SFMBT2: variants seen among roughly 807,000 people sequenced by gnomAD.
SFMBT2 encodes the protein scm-like with four MBT domains protein 2.
A neutral mutation model predicts 110.1 loss-of-function variants in SFMBT2; 38 were observed. The ratio of observed to expected loss-of-function variants is 0.35; its 90% CI spans 0.27 to 0.45. The LOEUF (loss-of-function observed/expected upper bound fraction) is 0.45, where lower values mean the gene tolerates loss of function less well. Among genes scored for constraint, SFMBT2 ranks in the 20% least tolerant of loss-of-function variants. The pLI is 1.00. For synonymous variants in SFMBT2, 425 were observed against 425.4 expected, an observed-to-expected ratio of 1.00 and a Z score of 0.01; for missense variants, 1,011 against 1,094.9, an observed-to-expected ratio of 0.92 and a Z score of 1.08.
At chr10:7,312,983 C>G (rs891144686) in intron 4 of SFMBT2, among the ~76,000 whole-genome samples, 4 of 152,072 alleles carry the variant, frequency 2.6e-5, no homozygotes, top group African/African-American at 9.7e-5. Context: ...CTCCATCCAC[C>G]TCGGGAGAAA....
chr10:7,200,541 C>T (rs905531529), intron 13 of SFMBT2, 57 bp from the exon 14 acceptor site: 3 of 1,414,394 alleles, frequency 2.1e-6, no homozygotes, highest in African/African-American at 1.4e-5. Flanking sequence ...GGAACTACTA[C>T]ATTCCAAAGT....
chr10:7,328,054 A>G (rs12263191), intron 4 of SFMBT2, among the ~76,000 whole-genome samples: 32,762 of 152,070 alleles, frequency 0.22, 3,911 homozygotes, highest in East Asian at 0.31. Context: ...TGTTTTCCCA[A>G]TTGGCTTTCC....
chr10:7,164,512 T>C (rs1837642044), intron 20 of SFMBT2: 1 of 912,196 alleles, frequency 1.1e-6, no homozygotes, highest in African/African-American at 1.8e-5. Context: ...CTGCGGGAAT[T>C]GCTTCCCAAG....
intron 9 of SFMBT2, among the ~76,000 whole-genome samples, chr10:7,230,750 T>C (rs778030649): frequency 6.6e-6 from 1 of 152,116 alleles, no homozygotes; most frequent in South Asian, 2.1e-4. Flanking sequence ...CTGACCAACA[T>C]CGTAAAACCT....
chr10:7,370,227 T>G (rs1202991101), intron 3 of SFMBT2, 54 bp downstream of exon 3: 1 of 1,500,324 alleles, frequency 6.7e-7, no homozygotes. Flanking sequence ...TCCCTATAGA[T>G]TCCTTCCCTT....
rs1564461480 is a variant in SFMBT2, at chr10:7,367,905, A to G, written c.196-16T>C. 1.2e-6 allele frequency: 2 copies of G among 1,613,328 alleles called. No individual in the cohort carries two copies. Among genetic ancestry groups the G allele is most frequent in the Non-Finnish European group, 8.5e-7 (1 of 1,179,490 alleles). Reference sequence around the variant, plus strand: ...TGATTTCAACCTTAAGGAATCAGAAATAGAGAAAACCCATTACTACACTAG... The same window carrying G: ...TGATTTCAACCTTAAGGAATCAGAAGTAGAGAAAACCCATTACTACACTAG... On this transcript the variant is annotated splice_polypyrimidine_tract_variant and intron_variant, in intron 3 of 20. Coordinates refer to ENST00000397167, the MANE Select transcript of SFMBT2 (RefSeq NM_001387889.1). This position sits in a 1 kb window ranked among gnomAD's most constrained non-coding sequence, Gnocchi z 6.2.
chr10:7,296,874 A>AAGAGGGAATCCTCCAGC (rs1842420543), intron 4 of SFMBT2, among the ~76,000 whole-genome samples: 1 of 152,230 alleles, frequency 6.6e-6, no homozygotes, highest in Non-Finnish European at 1.5e-5. Context: ...TCCCCTGAGC[A>AAGAGGGAATCCTCCAGC]AGAGGGAATC....
intron 4 of SFMBT2, among the ~76,000 whole-genome samples, chr10:7,336,884 C>A (rs952715731): frequency 2.0e-5 from 3 of 152,094 alleles, no homozygotes; most frequent in Non-Finnish European, 2.9e-5. Flanking sequence ...GAATAAAGTG[C>A]GTGAAGACAG....
Position 7,176,135 on chromosome 10 carries a change from G to C in SFMBT2, c.1839C>G (p.Val613=), listed in dbSNP as rs761129626. 90 of 1,614,048 alleles carry C rather than the reference G, an allele frequency of 5.6e-5. No individual in the cohort carries two copies. The highest frequency in any genetic ancestry group is 7.4e-5 in the Non-Finnish European group (87 of 1,180,036). ...KYRGKTYRAV[V]KIVRTSDQVA... Reference sequence around the variant, plus strand: ...CTTGGTCAGATGTCCGTACGATTTTGACCACAGCCCTGTATGTTTTGCCTC... The same window carrying C: ...CTTGGTCAGATGTCCGTACGATTTTCACCACAGCCCTGTATGTTTTGCCTC... The change falls in exon 17 of 21, where the codon GTC becomes GTG. Residue 613 remains valine (V), a synonymous_variant. Coordinates refer to ENST00000397167, the MANE Select transcript of SFMBT2 (RefSeq NM_001387889.1).
At chr10:7,184,113 T>C (rs968594272) in intron 16 of SFMBT2, among the ~76,000 whole-genome samples, 1 of 152,168 alleles carries the variant, frequency 6.6e-6, no homozygotes, top group Non-Finnish European at 1.5e-5. Flanking sequence ...TCCAAGTGCA[T>C]AGAGCAGGGT....
At chr10:7,184,552 G>A (rs966208861) in intron 16 of SFMBT2, among the ~76,000 whole-genome samples, 14 of 151,938 alleles carry the variant, frequency 9.2e-5, no homozygotes, top group Non-Finnish European at 1.0e-4. Context: ...GGACTAATAC[G>A]GTAGTTAAAA....
chr10:7,404,498 C>A (rs60433743), intron 1 of SFMBT2, among the ~76,000 whole-genome samples: 10,497 of 152,252 alleles, frequency 0.069, 1,161 homozygotes, highest in African/African-American at 0.24. Context: ...CCCCCATGTC[C>A]CACACCTCCA....
chr10:7,316,406 A>G (rs1843013011), intron 4 of SFMBT2, among the ~76,000 whole-genome samples: 1 of 152,140 alleles, frequency 6.6e-6, no homozygotes, highest in African/African-American at 2.4e-5. Flanking sequence ...TGGGCCCAGC[A>G]CACCCAGGAA....
At chr10:7,294,046 G>A (rs575118192) in intron 4 of SFMBT2, among the ~76,000 whole-genome samples, 1 of 152,344 alleles carries the variant, frequency 6.6e-6, no homozygotes, top group Admixed American at 6.5e-5. Context: ...CTCTGGAGCA[G>A]TGAGCTAGGA....
In SFMBT2 at chr10:7,370,379, T is replaced by A; in HGVS notation, c.101-4A>T. Reference sequence around the variant, plus strand: ...TCCTCCAAGCTTGAGCCTTCTTCTGTTGAAAAACAAAAGAACAGAATATCA... The same window carrying A: ...TCCTCCAAGCTTGAGCCTTCTTCTGATGAAAAACAAAAGAACAGAATATCA... On this transcript the variant is annotated splice_polypyrimidine_tract_variant and splice_region_variant and intron_variant, in intron 2 of 20. Transcript: ENST00000397167. 1.2e-6 allele frequency: 2 copies of A among 1,613,218 alleles called. No individual in the cohort carries two copies. Among genetic ancestry groups the A allele is most frequent in the Non-Finnish European group, 1.7e-6 (2 of 1,179,334 alleles).
At chr10:7,278,203 G>A (rs1399593952) in intron 6 of SFMBT2, among the ~76,000 whole-genome samples, 4 of 151,708 alleles carry the variant, frequency 2.6e-5, no homozygotes, top group African/African-American at 7.2e-5. Context: ...AGTAGCTAAC[G>A]TAATTGGGAA....
chr10:7,285,800 T>A, intron 5 of SFMBT2, 66 bp downstream of exon 5: 1 of 815,290 alleles, frequency 1.2e-6, no homozygotes, highest in South Asian at 1.3e-5. Flanking sequence ...AAAGGTGCTG[T>A]CAGGTCTGAG....
At chr10:7,219,042 A>G (rs1486954401) in intron 11 of SFMBT2, among the ~76,000 whole-genome samples, 1 of 152,236 alleles carries the variant, frequency 6.6e-6, no homozygotes. Flanking sequence ...TAACTTGACC[A>G]TTTTTGTTTT....
intron 1 of SFMBT2, among the ~76,000 whole-genome samples, chr10:7,383,190 G>T (rs1262161915): frequency 6.6e-6 from 1 of 152,140 alleles, no homozygotes; most frequent in African/African-American, 2.4e-5. Context: ...AACATTCGGA[G>T]GTTTTGTCAA....
Sources: allele counts gnomAD v4.1 joint callset (sites outside exome capture counted in the v4.1 genomes callset), GRCh38; gene constraint gnomAD v4.1.1; non-coding constraint Gnocchi (gnomAD v3.1); transcripts MANE v1.5; gene names NCBI Gene and HGNC (gene_info 2026-07-23, HGNC 2026-07-21).